The following PCDH15 variants were observed in gnomAD, a reference collection of about 807,000 sequenced individuals.
The protein encoded by PCDH15 is protocadherin related 15, also known as protocadherin-15.
In PCDH15, 129 loss-of-function variants were observed where a neutral mutation model predicts 178.5. That is an observed-to-expected ratio of 0.72 (90% confidence interval 0.63 to 0.84). The LOEUF (loss-of-function observed/expected upper bound fraction) is 0.84. Among genes scored for constraint, PCDH15 ranks in the 40% least tolerant of loss-of-function variants. PCDH15 has a pLI of 0.00. For synonymous variants in PCDH15, 800 were observed against 732.0 expected (o/e 1.09, Z -1.50); for missense variants, 2,230 against 2,099.9 (o/e 1.06, Z -1.21).
At chr10:54,971,606 A>AG (rs1392158780) in intron 2 of PCDH15, among the ~76,000 whole-genome samples, 3 of 152,210 alleles carry the variant, frequency 2.0e-5, no homozygotes, top group Non-Finnish European at 2.9e-5. Context: ...TAGAATAATC[A>AG]GTTAATAACA....
intron 9 of PCDH15, among the ~76,000 whole-genome samples, chr10:54,218,401 C>T (rs886417603): frequency 1.3e-5 from 2 of 152,208 alleles, no homozygotes; most frequent in African/African-American, 4.8e-5. Flanking sequence ...GAAGCCCTTA[C>T]TCCCAATGTG....
chr10:54,343,692 T>C (rs1942698208), intron 6 of PCDH15, among the ~76,000 whole-genome samples: 1 of 151,898 alleles, frequency 6.6e-6, no homozygotes, highest in African/African-American at 2.4e-5. Flanking sequence ...ATATACCTAA[T>C]GTAAATGACG....
At chr10:55,476,796 A>C (rs775497757) in intron 2 of PCDH15, among the ~76,000 whole-genome samples, 1 of 152,030 alleles carries the variant, frequency 6.6e-6, no homozygotes, top group Non-Finnish European at 1.5e-5. Flanking sequence ...TGCATTCAAA[A>C]TATAACTAAA....
chr10:53,991,038 C>A (rs960418467), intron 21 of PCDH15, among the ~76,000 whole-genome samples: 1 of 152,160 alleles, frequency 6.6e-6, no homozygotes, highest in African/African-American at 2.4e-5. Context: ...AGGCCTCAGC[C>A]ACCTCCCCAC....
chr10:54,689,498 C>T (rs1301687897), intron 1 of PCDH15, among the ~76,000 whole-genome samples: 4 of 152,102 alleles, frequency 2.6e-5, no homozygotes, highest in Non-Finnish European at 5.9e-5. Flanking sequence ...GACTACTTTC[C>T]TCATTAACTT....
At chr10:53,817,038 T>G (rs969532676) in intron 34 of PCDH15, among the ~76,000 whole-genome samples, 1 of 152,210 alleles carries the variant, frequency 6.6e-6, no homozygotes, top group South Asian at 2.1e-4. Flanking sequence ...CATATTAAAC[T>G]AAGTATTGGA....
At chr10:55,458,022 T>C (rs187609712) in intron 2 of PCDH15, among the ~76,000 whole-genome samples, 31 of 152,160 alleles carry the variant, frequency 2.0e-4, no homozygotes, top group African/African-American at 7.2e-4. Flanking sequence ...CACATGCATA[T>C]ATAGAGGATT....
chr10:54,563,814 A>G (rs539028453), intron 2 of PCDH15, among the ~76,000 whole-genome samples: 1 of 152,324 alleles, frequency 6.6e-6, no homozygotes, highest in East Asian at 1.9e-4. Context: ...CACCATAACC[A>G]AATACTTTTA....
At chr10:54,445,432 TG>T (rs1373436935) in intron 3 of PCDH15, among the ~76,000 whole-genome samples, 1 of 151,604 alleles carries the variant, frequency 6.6e-6, no homozygotes, top group African/African-American at 2.4e-5. Context: ...AGCTTGCTAC[TG>T]TACACAACGC....
At position 54,926,452 on chromosome 10, in the gene PCDH15, T is replaced by A. The variant is rs527858545; in HGVS notation, c.-79-28952A>T. On this transcript the variant is annotated intron_variant, in intron 2 of 5. Transcript: ENST00000458638. ...ACTCTGCCTGGTTTTTGTATGAGGA[T>A]GATGTGGGCTTCATTGGATGAATTG... Among the ~76,000 whole-genome samples, 7 of 152,150 alleles carry A rather than the reference T, an allele frequency of 4.6e-5. No homozygotes were observed. In the East Asian group the frequency reaches 1.2e-3, roughly 25 times the overall value.
At chr10:55,487,574 C>A (rs1039516560) in intron 2 of PCDH15, among the ~76,000 whole-genome samples, 2 of 151,600 alleles carry the variant, frequency 1.3e-5, no homozygotes, top group African/African-American at 4.8e-5. Flanking sequence ...TCTTATTTGT[C>A]TCACTGCTGA....
At chr10:53,998,486 A>G (rs1004535987) in intron 20 of PCDH15, among the ~76,000 whole-genome samples, 50 of 152,296 alleles carry the variant, frequency 3.3e-4, no homozygotes, top group African/African-American at 1.2e-3. Context: ...AGAGTCTGTA[A>G]TAATCACAGA....
At chr10:55,442,741 G>T (rs528462953) in intron 2 of PCDH15, among the ~76,000 whole-genome samples, 15 of 151,782 alleles carry the variant, frequency 9.9e-5, no homozygotes, top group African/African-American at 3.6e-4. Flanking sequence ...GATTGTGAAT[G>T]CACGGATGCT....
At chr10:54,456,353 G>C (rs1453978995) in intron 3 of PCDH15, among the ~76,000 whole-genome samples, 1 of 152,136 alleles carries the variant, frequency 6.6e-6, no homozygotes, top group Non-Finnish European at 1.5e-5. Flanking sequence ...TGGAGTCAAA[G>C]GATATCATTT....
At chr10:55,542,201 A>G (rs1841776956) in intron 2 of PCDH15, among the ~76,000 whole-genome samples, 1 of 151,450 alleles carries the variant, frequency 6.6e-6, no homozygotes, top group African/African-American at 2.4e-5. Context: ...GTGCATATGT[A>G]GAGTATTTGT....
At chr10:54,015,222 G>A (rs1028638080) in intron 20 of PCDH15, among the ~76,000 whole-genome samples, 2 of 151,996 alleles carry the variant, frequency 1.3e-5, no homozygotes, top group African/African-American at 2.4e-5. Context: ...TCTCTACAAT[G>A]AGAATTTAAA....
Position 54,368,649 on chromosome 10 carries a change from G to A in PCDH15, c.474+471C>T, listed in dbSNP as rs144962699. ...ATCAGCATTTTTCTATAAGAATTCGGTTGTGATTTGTAGTTAATTTTTGGA... is the reference window on the plus strand; with the variant it reads ...ATCAGCATTTTTCTATAAGAATTCGATTGTGATTTGTAGTTAATTTTTGGA... On this transcript the variant is annotated intron_variant, in intron 5 of 37. Transcript: ENST00000644397. Among the ~76,000 whole-genome samples the A allele has an allele frequency of 2.2e-4, 34 of 151,956 alleles. No homozygotes were observed. The East Asian group carries it at 4.7e-3, about 21-fold the overall frequency.
intron 8 of PCDH15, among the ~76,000 whole-genome samples, chr10:54,244,994 C>T (rs1042327705): frequency 5.3e-5 from 8 of 152,050 alleles, no homozygotes; most frequent in Non-Finnish European, 8.8e-5. Context: ...GGTCAGGAGA[C>T]GACTGTTTTT....
intron 3 of PCDH15, among the ~76,000 whole-genome samples, chr10:54,394,962 ATCTC>A (rs887133141): frequency 1.3e-5 from 2 of 152,124 alleles, no homozygotes; most frequent in African/African-American, 4.8e-5. Context: ...GTTTAAGGTT[ATCTC>A]TCTTATTCCC....
Sources: gnomAD v4.1 joint callset for allele counts (sites outside exome capture counted in the v4.1 genomes callset) on GRCh38, gnomAD v4.1.1 for gene constraint, MANE v1.5 for transcripts, NCBI Gene and HGNC (gene_info 2026-07-23, HGNC 2026-07-21) for gene names.